The following FAM131A variants were observed in gnomAD, a reference collection of about 807,000 sequenced individuals.
FAM131A encodes family with sequence similarity 131 member A.
A neutral mutation model predicts 39.2 loss-of-function variants in FAM131A; 24 were observed. That is an observed-to-expected ratio of 0.61 (90% confidence interval 0.44 to 0.86). The LOEUF (loss-of-function observed/expected upper bound fraction) is 0.86, where lower values mean the gene tolerates loss of function less well. FAM131A is among the 40% of genes least tolerant of loss of function. The probability of loss-of-function intolerance (pLI) is 0.00; values close to 1 mark genes in which losing one functional copy is unlikely to be tolerated. For synonymous variants in FAM131A, 202 were observed against 206.8 expected (o/e 0.98, Z 0.20); for missense variants, 373 against 481.2 (o/e 0.78, Z 2.10).
At chr3:184,337,535 G>T (rs935253898), upstream of FAM131A, 47 of 1,081,702 alleles carry the variant, frequency 4.3e-5, no homozygotes, top group Non-Finnish European at 6.0e-5. Flanking sequence ...ATGGGGAGGG[G>T]ACTGGCTCAG....
At chr3:184,344,468 C>T in intron 5 of FAM131A, 27 bp from the exon 6 acceptor site, 4 of 1,511,122 alleles carry the variant, frequency 2.6e-6, no homozygotes, top group Non-Finnish European at 3.5e-6. Context: ...GCCAGCAGGA[C>T]TGTCTTCTTT....
intron 1 of FAM131A, 86 bp downstream of exon 1, chr3:184,337,804 G>T (rs565744092): frequency 5.3e-6 from 7 of 1,322,830 alleles, no homozygotes; most frequent in Non-Finnish European, 7.3e-6. Flanking sequence ...AAATTACTCT[G>T]GCTTAGATAT....
At chr3:184,341,470 G>A in intron 2 of FAM131A, 1 of 559,640 alleles carries the variant, frequency 1.8e-6, no homozygotes. Context: ...CATCTCCTCT[G>A]GGTGCTGGGA....
intron 2 of FAM131A, 127 bp downstream of exon 2, chr3:184,338,656 G>GGCGGGCCGGGAGGCCGCCC (rs1727228398): frequency 2.3e-6 from 3 of 1,321,358 alleles, no homozygotes; most frequent in Non-Finnish European, 3.0e-6. Flanking sequence ...GCTATCCGGC[G>GGCGGGCCGGGAGGCCGCCC]GCGGGCCGGG....
In FAM131A at chr3:184,345,173, C is replaced by T. The variant is rs1345967230; in HGVS notation, c.*203C>T. 1.6e-6 allele frequency: 1 copy of T among 611,766 alleles called. No homozygotes were observed. Among genetic ancestry groups the T allele is most frequent in the Non-Finnish European group, 2.8e-6 (1 of 358,832 alleles). 37.9% of individuals were successfully genotyped at this position (611,766 alleles called of 1,614,324 possible). ...GGGCTGGGGGCGCATGTCCTGCCCCCACTCCCGGGGCTTGCCGGGGGTTGC... is the reference window on the plus strand; with the variant it reads ...GGGCTGGGGGCGCATGTCCTGCCCCTACTCCCGGGGCTTGCCGGGGGTTGC... On this transcript the variant is annotated 3_prime_UTR_variant, in exon 6 of 6. Transcript: ENST00000383847.
chr3:184,342,122 C>A lies in FAM131A; in HGVS notation c.382C>A (p.Arg128=), dbSNP rs769725185. Residue 128 remains arginine, a synonymous_variant, in exon 4 of 6, where the codon CGA becomes AGA. Coordinates refer to ENST00000383847, the MANE Select transcript of FAM131A (RefSeq NM_144635.5). The surrounding 1 kb of genome is among the most constrained non-coding windows in gnomAD (Gnocchi z 4.6). ...VTKPTAMAQG[R]VAHLIEWKGW... ...CAAGCCTACCGCCATGGCCCAGGGC[C>A]GAGTGGCTCACCTCATTGAGTGGAA... 6.2e-7 allele frequency: 1 copy of A among 1,614,206 alleles called. No individual in the cohort carries two copies. Among genetic ancestry groups the A allele is most frequent in the Admixed American group, 1.7e-5 (1 of 60,022 alleles).
Position 184,344,553 on chromosome 3 carries a change from G to A in FAM131A, c.684G>A (p.Arg228=), listed in dbSNP as rs1216650109. 1 of 1,592,104 alleles carries A rather than the reference G, an allele frequency of 6.3e-7. No homozygotes were observed. ...PHLQDLFTGH[R]FSRPVRQGSV... is the part of the protein sequence containing the mutation. Reference sequence around the variant, plus strand: ...TCCAGGACCTGTTCACCGGCCACCGGTTCTCCCGGCCTGTGCGCCAGGGCT... The same window carrying A: ...TCCAGGACCTGTTCACCGGCCACCGATTCTCCCGGCCTGTGCGCCAGGGCT... The change falls in exon 6 of 6, where the codon CGG becomes CGA. Residue 228 remains arginine (R), a synonymous_variant. Coordinates refer to ENST00000383847, the MANE Select transcript of FAM131A (RefSeq NM_144635.5).
At position 184,342,127 on chromosome 3, in the gene FAM131A, G is replaced by A. The variant is rs376696714; in HGVS notation, c.387G>A (p.Val129=). 39 of 1,614,088 alleles carry A rather than the reference G, an allele frequency of 2.4e-5. No individual in the cohort carries two copies. Among genetic ancestry groups the A allele is most frequent in the Non-Finnish European group, 3.2e-5 (38 of 1,180,040 alleles). The change falls in exon 4 of 6, where the codon GTG becomes GTA. Residue 129 remains valine (V), a synonymous_variant. Transcript: ENST00000383847. The surrounding 1 kb of genome is among the most constrained non-coding windows in gnomAD (Gnocchi z 4.6). ...TKPTAMAQGR[V]AHLIEWKGWS... ...CTACCGCCATGGCCCAGGGCCGAGT[G>A]GCTCACCTCATTGAGTGGAAGGGCT...
At position 184,342,382 on chromosome 3, in the gene FAM131A, A is replaced by G. The variant is rs563965153; in HGVS notation, c.508+134A>G. ...GAGTGCAGTGATGCAATCTCAGCTC[A>G]CTGCAACCTCTGCCACCCCAGTTCA... On this transcript the variant is annotated intron_variant, in intron 4 of 5. Transcript: ENST00000383847. This position sits in a 1 kb window ranked among gnomAD's most constrained non-coding sequence, Gnocchi z 4.6. 1 of 1,102,968 alleles carries G rather than the reference A, an allele frequency of 9.1e-7. No homozygotes were observed. Among genetic ancestry groups the G allele is most frequent in the Non-Finnish European group, 1.2e-6 (1 of 802,054 alleles). The allele number at this position is 1,102,968 out of a possible 1,614,324, so 68.3% of individuals were successfully genotyped here.
chr3:184,344,986 G>A lies in FAM131A; in HGVS notation c.*16G>A. On this transcript the variant is annotated 3_prime_UTR_variant, in exon 6 of 6. Coordinates refer to ENST00000383847, the MANE Select transcript of FAM131A (RefSeq NM_144635.5). The stretch of plus-strand genomic sequence containing the variant: ...GGAACAGTGACCCACATCATGCCTG[G>A]CAGTGGCATGCATCCCCCGGCTGCT... The A allele has an allele frequency of 4.7e-6, 7 of 1,505,144 alleles. No individual in the cohort carries two copies. The highest frequency in any genetic ancestry group is 5.3e-6 in the Non-Finnish European group (6 of 1,128,072). 93.2% of individuals were successfully genotyped at this position (1,505,144 alleles called of 1,614,324 possible). A position where few individuals can be genotyped will look rare whatever the true frequency, so the allele number is the denominator to read the frequency against.
rs777353879 is a variant in FAM131A, at chr3:184,341,756, C to T, written c.264C>T (p.Pro88=). The T allele has an allele frequency of 1.2e-6, 2 of 1,611,934 alleles. No individual in the cohort carries two copies. The highest frequency in any genetic ancestry group is 1.1e-5 in the South Asian group (1 of 91,084). The change falls in exon 3 of 6, where the codon CCC becomes CCT. Residue 88 remains proline (P), a synonymous_variant. Coordinates refer to ENST00000383847, the MANE Select transcript of FAM131A (RefSeq NM_144635.5). ...TTGGAGACACAGTCGCGATGCTGCCCAAGTCCCGGCGAGCCCTAACTATCC... is the reference window on the plus strand; with the variant it reads ...TTGGAGACACAGTCGCGATGCTGCCTAAGTCCCGGCGAGCCCTAACTATCC... The part of the protein sequence containing the change: ...VNVGDTVAML[P]KSRRALTIQE...
At chr3:184,343,675 T>C (rs543981835) in intron 5 of FAM131A, among the ~76,000 whole-genome samples, 3 of 152,384 alleles carry the variant, frequency 2.0e-5, no homozygotes, top group Non-Finnish European at 1.5e-5. Flanking sequence ...GAAGCCAAGA[T>C]GGAACCTTAA....
chr3:184,338,441 CTCTA>C lies in FAM131A; in HGVS notation c.146_149del (p.Leu49ProfsTer29). The C allele has an allele frequency of 6.6e-7, 1 of 1,520,004 alleles. No individual in the cohort carries two copies. Among genetic ancestry groups the C allele is most frequent in the Non-Finnish European group, 8.8e-7 (1 of 1,139,578 alleles). The allele number at this position is 1,520,004 out of a possible 1,614,324, so 94.2% of individuals were successfully genotyped here. A position where few individuals can be genotyped will look rare whatever the true frequency, so the allele number is the denominator to read the frequency against. On this transcript the variant is annotated frameshift_variant, in exon 2 of 6. Transcript: ENST00000383847. LOFTEE classifies it high-confidence loss of function. ...TGGATCGAACTTCCTCGGGGTCTCT[CTCTA>C]TCCTCTTTGGGATCTGCTCGAACCC... is the stretch of plus-strand genomic sequence containing the variant.
chr3:184,341,426 C>T, intron 2 of FAM131A: 1 of 483,818 alleles, frequency 2.1e-6, no homozygotes. Context: ...CCTCAGAGGT[C>T]TCACTCGTGG....
In FAM131A at chr3:184,342,558, G is replaced by T. The variant is rs1033903640; in HGVS notation, c.509-186G>T. Among the ~76,000 whole-genome samples the T allele has an allele frequency of 4.6e-5, 7 of 151,922 alleles. No individual in the cohort carries two copies. Among genetic ancestry groups the T allele is most frequent in the African/African-American group, 1.7e-4 (7 of 41,330 alleles). On this transcript the variant is annotated intron_variant, in intron 4 of 5. Coordinates refer to ENST00000383847, the MANE Select transcript of FAM131A (RefSeq NM_144635.5). The surrounding 1 kb of genome is among the most constrained non-coding windows in gnomAD (Gnocchi z 4.6). Reference sequence around the variant, plus strand: ...CCTGACCTAGTGATCCACCTGCCTCGGCCTCCCAAAGTGCTGGGATTACAG... The same window carrying T: ...CCTGACCTAGTGATCCACCTGCCTCTGCCTCCCAAAGTGCTGGGATTACAG...
chr3:184,342,789 G>C lies in FAM131A; in HGVS notation c.554G>C (p.Trp185Ser). Residue 185 changes from tryptophan to serine, a missense_variant, in exon 5 of 6, where the codon TGG becomes TCG. By Grantham distance (177) the Trp-to-Ser change is radical (BLOSUM62 -3). This residue lies in a region of FAM131A where 221 missense variants were observed against 347.7 expected (regional missense o/e 0.64). Transcript: ENST00000383847. This position sits in a 1 kb window ranked among gnomAD's most constrained non-coding sequence, Gnocchi z 4.6. ...ATCGCGGAAGCCAAGCTCCGAGCATGGTCTTCGGTGGATGGCGAGGACTCC... is the reference window on the plus strand; with the variant it reads ...ATCGCGGAAGCCAAGCTCCGAGCATCGTCTTCGGTGGATGGCGAGGACTCC... The part of the protein sequence containing the change: ...FAIAEAKLRA[W>S]SSVDGEDSTD... The C allele has an allele frequency of 6.2e-7, 1 of 1,613,962 alleles. No individual in the cohort carries two copies. Among genetic ancestry groups the C allele is most frequent in the Non-Finnish European group, 8.5e-7 (1 of 1,179,892 alleles).
chr3:184,344,272 A>T (rs190032052), intron 5 of FAM131A, among the ~76,000 whole-genome samples: 39 of 152,322 alleles, frequency 2.6e-4, no homozygotes, highest in African/African-American at 9.1e-4. Context: ...GGCGTGAGCC[A>T]CCGCACCCAC....
chr3:184,339,621 C>A (rs1466848064), intron 2 of FAM131A: 2 of 152,120 alleles, frequency 1.3e-5, no homozygotes, highest in African/African-American at 4.8e-5. Context: ...CTGCCACGCC[C>A]GGCTGATTTT....
chr3:184,344,831 A>C lies in FAM131A; in HGVS notation c.962A>C (p.Glu321Ala), dbSNP rs1412927496. The change falls in exon 6 of 6, where the codon GAG becomes GCG. Residue 321 changes from glutamate to alanine, a missense_variant. Physicochemically the swap from Glu to Ala is moderately radical, Grantham distance 107 (BLOSUM62 -1). Transcript: ENST00000383847. ...TCCTGCCTTTCCCCCGCGGAGGAGG[A>C]GCCAGCCCCCTGCAAGGACTGCCAG... ...TESCLSPAEE[E>A]PAPCKDCQPL... is the part of the protein sequence containing the mutation. The C allele has an allele frequency of 1.2e-6, 2 of 1,611,692 alleles. No homozygotes were observed. Among genetic ancestry groups the C allele is most frequent in the Non-Finnish European group, 1.7e-6 (2 of 1,179,868 alleles).
Sources: gnomAD v4.1 joint callset for allele counts (sites outside exome capture counted in the v4.1 genomes callset) on GRCh38, gnomAD v4.1.1 for gene constraint, gnomAD v4.1.1 regional missense constraint, Gnocchi (gnomAD v3.1) non-coding constraint, MANE v1.5 for transcripts, NCBI Gene and HGNC (gene_info 2026-07-23, HGNC 2026-07-21) for gene names.